Variants in DNAH11 observed in about 807,000 individuals in gnomAD.
The protein encoded by DNAH11 is dynein axonemal heavy chain 11.
In DNAH11, 442 loss-of-function variants were observed where a neutral mutation model predicts 526.0. That is an observed-to-expected ratio of 0.84 (90% CI 0.78 to 0.91). The LOEUF (loss-of-function observed/expected upper bound fraction) is 0.91, where lower values mean the gene tolerates loss of function less well. Ranked by LOEUF, DNAH11 falls within the 40% of genes least tolerant of loss-of-function variation. The probability of loss-of-function intolerance (pLI) is 0.00; values close to 1 mark genes in which losing one functional copy is unlikely to be tolerated. For missense variants in DNAH11, 6,989 were observed against 5,448.7 expected (o/e 1.28, Z -8.90); for synonymous variants, 2,461 against 1,935.9 (o/e 1.27, Z -7.12).
rs1052997441 is a variant in DNAH11, at chr7:21,543,410, A to T, written c.165A>T (p.Gln55His). Residue 55 changes from glutamine to histidine, a missense_variant, in exon 1 of 82, where the codon CAA (glutamine) becomes CAT (histidine). Physicochemically the swap from Gln to His is conservative, Grantham distance 24. Coordinates refer to ENST00000409508, the MANE Select transcript of DNAH11 (RefSeq NM_001277115.2). ...CCAGGAGAGCGCGGAGTTTCGCCCA[A>T]GACGCGCGGGTGCGCTTCCTCGGCG... ...AAARRARSFA[Q>H]DARVRFLGGR... 6.4e-7 allele frequency: 1 copy of T among 1,554,020 alleles called. No homozygotes were observed. The highest frequency in any genetic ancestry group is 8.7e-7 in the Non-Finnish European group (1 of 1,148,162).
chr7:21,818,319 G>C lies in DNAH11; in HGVS notation c.10671G>C (p.Arg3557Ser). The C allele has an allele frequency of 1.9e-6, 3 of 1,604,460 alleles. No individual in the cohort carries two copies. Among genetic ancestry groups the C allele is most frequent in the Non-Finnish European group, 2.5e-6 (3 of 1,177,074 alleles). ...IDPVLDPLLG[R>S]NTIKKGKYIR... Reference sequence around the variant, plus strand: ...CAGTCCTGGATCCACTACTTGGCAGGAACACAATTAAAAAAGGAAAGTAAG... The same window carrying C: ...CAGTCCTGGATCCACTACTTGGCAGCAACACAATTAAAAAAGGAAAGTAAG... Residue 3557 changes from arginine (R) to serine (S), a missense_variant, in exon 65 of 82, where the codon AGG becomes AGC. Coordinates refer to ENST00000409508, the MANE Select transcript of DNAH11 (RefSeq NM_001277115.2).
At chr7:21,806,089 A>G (rs1789251695) in intron 62 of DNAH11, among the ~76,000 whole-genome samples, 1 of 152,332 alleles carries the variant, frequency 6.6e-6, no homozygotes, top group Non-Finnish European at 1.5e-5. Context: ...AGTGATTTTT[A>G]ACTGTCTTGA....
intron 55 of DNAH11, among the ~76,000 whole-genome samples, chr7:21,772,604 T>C (rs150053602): frequency 6.6e-6 from 1 of 152,314 alleles, no homozygotes; most frequent in East Asian, 1.9e-4. Context: ...TTTGGAAATA[T>C]ATTTGTATCT....
At chr7:21,814,347 TTA>T (rs1426783624) in intron 63 of DNAH11, among the ~76,000 whole-genome samples, 8 of 103,956 alleles carry the variant, frequency 7.7e-5, no homozygotes, top group South Asian at 3.0e-4. Context: ...ATTTATTTAT[TTA>T]TTTTTTTTTT....
At chr7:21,851,285 AAAG>A (rs1782623298) in intron 66 of DNAH11, 1 of 244,314 alleles carries the variant, frequency 4.1e-6, no homozygotes. Context: ...GCCGCCAAGG[AAAG>A]AAGGACATGT....
intron 8 of DNAH11, among the ~76,000 whole-genome samples, chr7:21,579,074 C>G (rs1272088606): frequency 1.3e-5 from 2 of 152,172 alleles, no homozygotes; most frequent in African/African-American, 4.8e-5. Context: ...CCAAACTGCT[C>G]CCTCTTCCCC....
intron 30 of DNAH11, among the ~76,000 whole-genome samples, chr7:21,671,472 C>G (rs1030230614): frequency 5.3e-5 from 8 of 152,154 alleles, no homozygotes; most frequent in African/African-American, 1.9e-4. Context: ...CAGTATTATC[C>G]TCAGAACATC....
Position 21,601,161 on chromosome 7 carries a change from T to A in DNAH11, c.3407T>A (p.Leu1136Ter), listed in dbSNP as rs1322598145. The change falls in exon 17 of 82, where the codon TTG becomes TAG. Residue 1136 changes from leucine (L) to a stop codon, truncating the protein, a stop_gained. Transcript: ENST00000409508. LOFTEE classifies it high-confidence loss of function. The part of the protein sequence containing the change: ...KWSWMFQEHL[L>*]RFVIDSLNEL... ...AGCTGGATGTTTCAGGAGCATCTTT[T>A]GAGATTTGTCATTGACAGGTAGCCT... 1 of 1,600,650 alleles carries A rather than the reference T, an allele frequency of 6.2e-7. No homozygotes were observed. Among genetic ancestry groups the A allele is most frequent in the Non-Finnish European group, 8.5e-7 (1 of 1,177,038 alleles).
chr7:21,767,369 C>T (rs1275792707), intron 55 of DNAH11, among the ~76,000 whole-genome samples: 1 of 152,092 alleles, frequency 6.6e-6, no homozygotes, highest in Non-Finnish European at 1.5e-5. Flanking sequence ...ACAGTTTCTT[C>T]CCTTTGCTAC....
At chr7:21,803,277 C>T (rs900344348) in intron 62 of DNAH11, among the ~76,000 whole-genome samples, 1 of 151,968 alleles carries the variant, frequency 6.6e-6, no homozygotes, top group African/African-American at 2.4e-5. Flanking sequence ...TCACATATTA[C>T]AAAAAATGCT....
rs142543006 is a variant in DNAH11 at position 21,552,927 on chromosome 7, G to A, written c.496-5875G>A. On this transcript the variant is annotated intron_variant, in intron 2 of 81. Coordinates refer to ENST00000409508, the MANE Select transcript of DNAH11 (RefSeq NM_001277115.2). ...AGTTGATACATACCCCTTAGATATTGCACCAATCTGAACGACCCATTAGGC... is the reference window on the plus strand; with the variant it reads ...AGTTGATACATACCCCTTAGATATTACACCAATCTGAACGACCCATTAGGC... 2.1e-3 allele frequency among the ~76,000 whole-genome samples: 316 copies of A among 152,202 alleles called. 1 individual carries two copies. Among genetic ancestry groups the A allele is most frequent in the South Asian group, 2.5e-3 (12 of 4,818 alleles).
At chr7:21,692,755 C>T (rs1269178599) in intron 35 of DNAH11, among the ~76,000 whole-genome samples, 2 of 152,192 alleles carry the variant, frequency 1.3e-5, no homozygotes, top group Non-Finnish European at 2.9e-5. Context: ...AGTCTGGTTT[C>T]CAAAGTGATT....
At chr7:21,716,293 G>C (rs1784659510) in intron 42 of DNAH11, among the ~76,000 whole-genome samples, 1 of 152,134 alleles carries the variant, frequency 6.6e-6, no homozygotes, top group Non-Finnish European at 1.5e-5. Flanking sequence ...ATCTAAACCT[G>C]AGTTTCCGAA....
chr7:21,873,629 G>GT, intron 74 of DNAH11, 128 bp downstream of exon 74: 1 of 826,918 alleles, frequency 1.2e-6, no homozygotes, highest in South Asian at 1.6e-5. Flanking sequence ...GCATGTGGAA[G>GT]GGTAGGGGTG....
At chr7:21,704,957 A>G (rs578160017) in intron 38 of DNAH11, among the ~76,000 whole-genome samples, 3 of 152,222 alleles carry the variant, frequency 2.0e-5, no homozygotes, top group Non-Finnish European at 4.4e-5. Flanking sequence ...CATTGGAAGT[A>G]AAATCATTAG....
At chr7:21,571,202 C>T (rs138141194) in intron 7 of DNAH11, among the ~76,000 whole-genome samples, 2 of 152,070 alleles carry the variant, frequency 1.3e-5, no homozygotes, top group Non-Finnish European at 2.9e-5. Flanking sequence ...ATCTGACTTA[C>T]GTTTAGGAAG....
In DNAH11 at chr7:21,591,268, A is replaced by C. The variant is rs1434882126; in HGVS notation, c.2358A>C (p.Glu786Asp). The change falls in exon 14 of 82, where the codon GAA becomes GAC. Residue 786 changes from glutamate (E) to aspartate (D), a missense_variant. Transcript: ENST00000409508. Reference sequence around the variant, plus strand: ...TGGAAGTTGAATACCCTCTGATTGAAGATGAGCTGAGGGCTATTGACGAGC... The same window carrying C: ...TGGAAGTTGAATACCCTCTGATTGACGATGAGCTGAGGGCTATTGACGAGC... ...TLLEVEYPLI[E>D]DELRAIDEQL... 1 of 1,609,444 alleles carries C rather than the reference A, an allele frequency of 6.2e-7. No homozygotes were observed. The highest frequency in any genetic ancestry group is 8.5e-7 in the Non-Finnish European group (1 of 1,177,460).
chr7:21,844,510 T>C (rs1163641662), intron 66 of DNAH11, among the ~76,000 whole-genome samples: 2 of 152,034 alleles, frequency 1.3e-5, no homozygotes, highest in East Asian at 3.9e-4. Context: ...AATGGCAGAG[T>C]TGAGTAGTTG....
At chr7:21,755,335 C>T (rs950979240) in intron 54 of DNAH11, among the ~76,000 whole-genome samples, 56 of 152,140 alleles carry the variant, frequency 3.7e-4, no homozygotes, top group Non-Finnish European at 8.1e-4. Flanking sequence ...TCTTGCAGCT[C>T]GAATATAGAA....
Sources: gnomAD v4.1 joint callset for allele counts (sites outside exome capture counted in the v4.1 genomes callset) on GRCh38, gnomAD v4.1.1 for gene constraint, MANE v1.5 for transcripts, NCBI Gene and HGNC (gene_info 2026-07-23, HGNC 2026-07-21) for gene names.